XKR9: variants seen among roughly 807,000 people sequenced by gnomAD.
XKR9 encodes the protein XK-related protein 9.
In XKR9, 32 loss-of-function variants were observed where a neutral mutation model predicts 32.0. The ratio of observed to expected loss-of-function variants is 1.00; its 90% CI spans 0.76 to 1.34. XKR9 has a LOEUF of 1.34. Among genes scored for constraint, XKR9 ranks in the 40% most tolerant of loss-of-function variants. The probability of loss-of-function intolerance (pLI) is 0.00; values close to 1 mark genes in which losing one functional copy is unlikely to be tolerated. For missense variants in XKR9, 546 were observed against 429.7 expected, an observed-to-expected ratio of 1.27 and a Z score of -2.39; for synonymous variants, 168 against 143.4, an observed-to-expected ratio of 1.17 and a Z score of -1.22.
At chr8:70,903,006 G>C in the XKR9 span, among the ~76,000 whole-genome samples, 1 of 152,112 alleles carries the variant, frequency 6.6e-6, no homozygotes, top group Non-Finnish European at 1.5e-5. Flanking sequence ...GATCATGTTT[G>C]ATAGGCTTCT....
the XKR9 span, among the ~76,000 whole-genome samples, chr8:70,841,860 C>A: frequency 6.6e-6 from 1 of 152,116 alleles, no homozygotes; most frequent in South Asian, 2.1e-4. Context: ...CTCCCAGGAT[C>A]CTCCATTGTA....
chr8:70,953,519 C>T, the XKR9 span, among the ~76,000 whole-genome samples: 1 of 152,032 alleles, frequency 6.6e-6, no homozygotes, highest in Non-Finnish European at 1.5e-5. Flanking sequence ...CCTATGTTGC[C>T]CAGGCTGGTC....
At chr8:71,016,367 G>A in the XKR9 span, among the ~76,000 whole-genome samples, 2 of 152,060 alleles carry the variant, frequency 1.3e-5, no homozygotes, top group African/African-American at 4.8e-5. Context: ...CAATTAGGAG[G>A]AGATCAGACA....
downstream of XKR9, among the ~76,000 whole-genome samples, chr8:70,738,764 G>A (rs953333498): frequency 5.7e-3 from 863 of 152,082 alleles, 10 homozygotes; most frequent in African/African-American, 0.02. Context: ...TTCAGTTTCC[G>A]TGTAGTTGAG....
intron 2 of XKR9, among the ~76,000 whole-genome samples, chr8:70,750,545 T>C (rs1366430010): frequency 1.3e-5 from 2 of 152,182 alleles, no homozygotes; most frequent in Non-Finnish European, 2.9e-5. Flanking sequence ...TTTTTAAAAA[T>C]TGCAGGTAAA....
chr8:70,910,061 C>T, the XKR9 span, among the ~76,000 whole-genome samples: 4 of 151,398 alleles, frequency 2.6e-5, no homozygotes, highest in Admixed American at 6.6e-5. Flanking sequence ...ATAGTAGGTG[C>T]TCAATAAATG....
At chr8:70,757,850 G>A (rs948362709) in intron 2 of XKR9, among the ~76,000 whole-genome samples, 6 of 152,168 alleles carry the variant, frequency 3.9e-5, no homozygotes, top group African/African-American at 1.2e-4. Context: ...GCCTCCCAAA[G>A]TGCTGAGATT....
chr8:70,888,413 A>T, the XKR9 span, among the ~76,000 whole-genome samples: 2 of 151,802 alleles, frequency 1.3e-5, no homozygotes, highest in East Asian at 3.9e-4. Context: ...TTGTTTCTTC[A>T]GTCTGTTGAT....
chr8:70,750,186 C>A (rs1807118900), intron 2 of XKR9, among the ~76,000 whole-genome samples: 1 of 152,088 alleles, frequency 6.6e-6, no homozygotes, highest in Non-Finnish European at 1.5e-5. Flanking sequence ...TTGTGTCTGG[C>A]AGTGTGTCTT....
chr8:70,970,481 C>A, the XKR9 span, among the ~76,000 whole-genome samples: 10 of 152,164 alleles, frequency 6.6e-5, no homozygotes, highest in East Asian at 3.9e-4. Flanking sequence ...TGCCCACCCC[C>A]CAACAGGCCC....
chr8:70,983,551 C>T, the XKR9 span, among the ~76,000 whole-genome samples: 7 of 151,988 alleles, frequency 4.6e-5, no homozygotes, highest in Non-Finnish European at 7.4e-5. Flanking sequence ...GAGGCTGAGG[C>T]GGGTGGATCA....
At chr8:70,704,214 A>AAAAT (rs759729244) in intron 3 of XKR9, among the ~76,000 whole-genome samples, 1 of 152,082 alleles carries the variant, frequency 6.6e-6, no homozygotes, top group Non-Finnish European at 1.5e-5. Flanking sequence ...AATAAACAAT[A>AAAAT]AAATAAATAA....
At chr8:70,790,808 A>C (rs533904041), downstream of XKR9, among the ~76,000 whole-genome samples, 1 of 152,210 alleles carries the variant, frequency 6.6e-6, no homozygotes, top group Admixed American at 6.6e-5. Context: ...GCTTATTAGC[A>C]ACGGAAATTT....
At chr8:70,717,658 C>T (rs901195915) in intron 4 of XKR9, among the ~76,000 whole-genome samples, 19 of 152,164 alleles carry the variant, frequency 1.2e-4, no homozygotes, top group African/African-American at 4.6e-4. Flanking sequence ...GCCTCCAGGT[C>T]TGTGATAGAA....
the XKR9 span, among the ~76,000 whole-genome samples, chr8:70,877,008 A>G: frequency 6.6e-6 from 1 of 152,158 alleles, no homozygotes; most frequent in Non-Finnish European, 1.5e-5. Context: ...CCAGGAAGAA[A>G]TACCCAAGAC....
chr8:70,704,793 A>T (rs1255940979), intron 3 of XKR9, among the ~76,000 whole-genome samples: 1 of 152,230 alleles, frequency 6.6e-6, no homozygotes, highest in Non-Finnish European at 1.5e-5. Flanking sequence ...TCAGATACCC[A>T]GAAAAGGCTA....
At chr8:70,961,232 G>A in the XKR9 span, among the ~76,000 whole-genome samples, 3 of 152,240 alleles carry the variant, frequency 2.0e-5, no homozygotes, top group Admixed American at 6.5e-5. Context: ...AGTCAGAAAG[G>A]AAGTAGAAGC....
At chr8:70,978,286 G>A in the XKR9 span, among the ~76,000 whole-genome samples, 2 of 152,172 alleles carry the variant, frequency 1.3e-5, no homozygotes, top group African/African-American at 4.8e-5. Flanking sequence ...TATGATGTTA[G>A]CTGGTTATTT....
the XKR9 span, among the ~76,000 whole-genome samples, chr8:70,815,290 T>C: frequency 1.3e-5 from 2 of 152,102 alleles, no homozygotes; most frequent in African/African-American, 2.4e-5. Flanking sequence ...CTAGTACTTA[T>C]TAGTTGTTTT....
Sources: allele counts gnomAD v4.1 joint callset (sites outside exome capture counted in the v4.1 genomes callset), GRCh38; gene constraint gnomAD v4.1.1; transcripts MANE v1.5; gene names NCBI Gene and HGNC (gene_info 2026-07-23, HGNC 2026-07-21).